CCNDBP1: variants seen among roughly 807,000 people sequenced by gnomAD.
The protein encoded by CCNDBP1 is cyclin-D1-binding protein 1.
A neutral mutation model predicts 46.2 loss-of-function variants in CCNDBP1; 45 were observed. The observed-to-expected ratio is 0.97, with a 90% CI of 0.77 to 1.25. The LOEUF is 1.25. Among genes scored for constraint, CCNDBP1 ranks in the 50% most tolerant of loss-of-function variants. The pLI, the probability that CCNDBP1 is intolerant of heterozygous loss-of-function variation, is 0.00. For synonymous variants in CCNDBP1, 154 were observed against 163.6 expected (o/e 0.94, Z 0.45); for missense variants, 436 against 442.1 (o/e 0.99, Z 0.12).
chr15:43,186,136 T>C lies in CCNDBP1; in HGVS notation c.170-18T>C, dbSNP rs755718223. ...CACTAACGTATTGGCACCTGCCTCC[T>C]CTTCGGCCACCCCCCAGATGAGGCA... is the stretch of plus-strand genomic sequence containing the variant. On this transcript the variant is annotated intron_variant, in intron 2 of 10. Coordinates refer to ENST00000300213, the MANE Select transcript of CCNDBP1 (RefSeq NM_012142.5). 3 of 1,613,010 alleles carry C rather than the reference T, an allele frequency of 1.9e-6. No individual in the cohort carries two copies. The highest frequency in any genetic ancestry group is 1.7e-6 in the Non-Finnish European group (2 of 1,179,126).
chr15:43,190,212 C>G lies in CCNDBP1; in HGVS notation c.428+61C>G, dbSNP rs2041926627. On this transcript the variant is annotated intron_variant, in intron 5 of 10. Transcript: ENST00000300213. ...GGTTCCTTGCCTCAGAGGGGAAAAG[C>G]TCATTTTAACAGCAAAGTTACTGAC... is the stretch of plus-strand genomic sequence containing the variant. 3.1e-6 allele frequency: 5 copies of G among 1,591,698 alleles called. No individual in the cohort carries two copies. In the East Asian group the frequency reaches 1.1e-4, roughly 36 times the overall value.
At chr15:43,191,703 T>C (rs1482573012) in intron 8 of CCNDBP1, 28 bp downstream of exon 8, 5 of 1,585,988 alleles carry the variant, frequency 3.2e-6, no homozygotes, top group African/African-American at 1.3e-5. Context: ...TTGAAACATC[T>C]GAGCAGCAGC....
rs887658919 is a variant in CCNDBP1 at position 43,196,951 on chromosome 15, A to G, written c.*2110A>G. ...GCTTCGTTCCATTGGTGGGGTAATG[A>G]GTAAGTTCTCGCTCTATATGTCCCT... On this transcript the variant is annotated 3_prime_UTR_variant, in exon 11 of 11. Coordinates refer to ENST00000300213, the MANE Select transcript of CCNDBP1 (RefSeq NM_012142.5). 1.2e-5 allele frequency: 4 copies of G among 343,240 alleles called. No individual in the cohort carries two copies. The highest frequency in any genetic ancestry group is 8.5e-5 in the African/African-American group (4 of 46,862). The allele number at this position is 343,240 out of a possible 1,614,324, so 21.3% of individuals were successfully genotyped here.
In CCNDBP1 at chr15:43,195,001, T is replaced by C; in HGVS notation, c.*160T>C. The C allele has an allele frequency of 1.8e-6, 1 of 543,074 alleles. No homozygotes were observed. The highest frequency in any genetic ancestry group is 3.3e-6 in the Non-Finnish European group (1 of 305,304). The allele number at this position is 543,074 out of a possible 1,614,324, so 33.6% of individuals were successfully genotyped here. On this transcript the variant is annotated 3_prime_UTR_variant, in exon 11 of 11. Coordinates refer to ENST00000300213, the MANE Select transcript of CCNDBP1 (RefSeq NM_012142.5). ...ACCAAAGATTGTTGGTTAGGCCAGATTGACACCTATTTATAAACCATATGC... is the reference window on the plus strand; with the variant it reads ...ACCAAAGATTGTTGGTTAGGCCAGACTGACACCTATTTATAAACCATATGC...
At position 43,190,077 on chromosome 15, in the gene CCNDBP1, A is replaced by C; in HGVS notation, c.354A>C (p.Val118=). ...KDQGITLRKL[V]RGATLDIVDG... ...CAGGGATCACCCTGAGAAAGCTGGT[A>C]CGGGGCGCCACCCTGGACATCGTGG... Residue 118 remains valine, a synonymous_variant, in exon 5 of 11, where the codon GTA becomes GTC. Coordinates refer to ENST00000300213, the MANE Select transcript of CCNDBP1 (RefSeq NM_012142.5). 6.2e-7 allele frequency: 1 copy of C among 1,614,126 alleles called. No homozygotes were observed. The highest frequency in any genetic ancestry group is 1.3e-5 in the African/African-American group (1 of 75,056).
At chr15:43,191,881 T>C (rs756982448) in intron 8 of CCNDBP1, among the ~76,000 whole-genome samples, 3 of 152,234 alleles carry the variant, frequency 2.0e-5, no homozygotes, top group South Asian at 2.1e-4. Flanking sequence ...GGTTTATTTC[T>C]CAAGAGATAC....
intron 1 of CCNDBP1, 59 bp downstream of exon 1, chr15:43,185,666 C>CCGGGCT: frequency 7.4e-7 from 1 of 1,349,572 alleles, no homozygotes; most frequent in Non-Finnish European, 9.9e-7. Context: ...CGGGGAGAGG[C>CCGGGCT]CGGGCTCGGG....
chr15:43,189,863 A>G, intron 4 of CCNDBP1, 192 bp from the exon 5 acceptor site: 1 of 554,270 alleles, frequency 1.8e-6, no homozygotes, highest in Non-Finnish European at 3.2e-6. Context: ...TTTTGAAGAA[A>G]ACACTAAGGA....
Position 43,189,101 on chromosome 15 carries a change from A to AAAAAAAAAAAAAG in CCNDBP1, c.250-95_250-94insAAAAAAAAAGAAA, listed in dbSNP as rs756151109. The AAAAAAAAAAAAAG allele has an allele frequency of 6.0e-3, 996 of 165,878 alleles. 76 individuals are homozygous for AAAAAAAAAAAAAG. The highest frequency in any genetic ancestry group is 7.8e-3 in the Non-Finnish European group (699 of 89,540). 10.3% of individuals were successfully genotyped at this position (165,878 alleles called of 1,614,324 possible). Reference sequence around the variant, plus strand: ...TCAAAAAAAAAAAAAAAAAAAAAAAAAAAGAAAAAGAAAGAAAAGAAAAAG... The same window carrying AAAAAAAAAAAAAG: ...TCAAAAAAAAAAAAAAAAAAAAAAAAAAAAAAAAAAAAGAAAGAAAAAGAAAGAAAAGAAAAAG... On this transcript the variant is annotated intron_variant, in intron 3 of 10. Transcript: ENST00000300213.
At position 43,194,428 on chromosome 15, in the gene CCNDBP1, T is replaced by C; in HGVS notation, c.935T>C (p.Val312Ala). ...TTTCTTTTCTAGTCTGCGAAACTTG[T>C]ATCTGTTTTAAAGAAGGCACTTGAA... ...LTVRINSAKLVSVLKKALEIT... is the reference protein window; with the variant it reads ...LTVRINSAKLASVLKKALEIT... The change falls in exon 10 of 11, where the codon GTA (valine) becomes GCA (alanine). Residue 312 changes from valine (V) to alanine (A), a missense_variant. Coordinates refer to ENST00000300213, the MANE Select transcript of CCNDBP1 (RefSeq NM_012142.5). 1 of 1,606,680 alleles carries C rather than the reference T, an allele frequency of 6.2e-7. No homozygotes were observed. The highest frequency in any genetic ancestry group is 8.5e-7 in the Non-Finnish European group (1 of 1,178,060).
intron 2 of CCNDBP1, 64 bp downstream of exon 2, chr15:43,185,943 T>A: frequency 2.0e-6 from 3 of 1,493,466 alleles, no homozygotes; most frequent in Non-Finnish European, 2.8e-6. Flanking sequence ...CCCCTTTTCC[T>A]CCCGCTGTCC....
At chr15:43,190,818 T>C (rs1567263684) in intron 6 of CCNDBP1, 148 bp from the exon 7 acceptor site, 2 of 627,152 alleles carry the variant, frequency 3.2e-6, no homozygotes, top group African/African-American at 1.8e-5. Context: ...TACCAGGGGA[T>C]GTAGTGAGAA....
intron 1 of CCNDBP1, 29 bp from the exon 2 acceptor site, chr15:43,185,791 G>C: frequency 6.2e-7 from 1 of 1,606,656 alleles, no homozygotes; most frequent in Non-Finnish European, 8.5e-7. Context: ...ATTCGCCACC[G>C]TTCGGCCCCC....
Position 43,189,239 on chromosome 15 carries a change from A to G in CCNDBP1, c.290A>G (p.Lys97Arg). The G allele has an allele frequency of 6.2e-7, 1 of 1,612,422 alleles. No homozygotes were observed. Among genetic ancestry groups the G allele is most frequent in the East Asian group, 2.2e-5 (1 of 44,860 alleles). The change falls in exon 4 of 11, where the codon AAG becomes AGG. Residue 97 changes from lysine (K) to arginine (R), a missense_variant. Transcript: ENST00000300213. ...TGTGAACAAGTCCATGCTGCCATCA[A>G]GGCATTTATTGCAGTGTACTATTTG... The part of the protein sequence containing the change: ...KFCEQVHAAI[K>R]AFIAVYYLLP...
chr15:43,185,802 A>C lies in CCNDBP1; in HGVS notation c.110-18A>C. On this transcript the variant is annotated intron_variant, in intron 1 of 10. Transcript: ENST00000300213. Reference sequence around the variant, plus strand: ...TTCCATTCGCCACCGTTCGGCCCCCACACGCCACACCCACAAGTCGGCGAA... The same window carrying C: ...TTCCATTCGCCACCGTTCGGCCCCCCCACGCCACACCCACAAGTCGGCGAA... 2 of 1,609,082 alleles carry C rather than the reference A, an allele frequency of 1.2e-6. No individual in the cohort carries two copies. Among genetic ancestry groups the C allele is most frequent in the Non-Finnish European group, 1.7e-6 (2 of 1,179,688 alleles).
chr15:43,187,271 A>T (rs1185245741), intron 3 of CCNDBP1, among the ~76,000 whole-genome samples: 2 of 141,652 alleles, frequency 1.4e-5, no homozygotes, highest in Non-Finnish European at 3.1e-5. Context: ...TACCTTTGAG[A>T]TTTTTTTTTT....
chr15:43,191,361 TTTTTGCA>T, intron 7 of CCNDBP1, 27 bp from the exon 8 acceptor site: 1 of 1,371,468 alleles, frequency 7.3e-7, no homozygotes. Flanking sequence ...TTTTTTTTTT[TTTTTGCA>T]TTCACATACA....
Position 43,189,208 on chromosome 15 carries a change from A to G in CCNDBP1, c.259A>G (p.Lys87Glu). ...LPLPSPQETQ[K>E]FCEQVHAAIK... The stretch of plus-strand genomic sequence containing the variant: ...GTTTCCTTTTTCATAGGAAACCCAG[A>G]AGTTCTGTGAACAAGTCCATGCTGC... The change falls in exon 4 of 11, where the codon AAG becomes GAG. Residue 87 changes from lysine to glutamate, a missense_variant. Transcript: ENST00000300213. The G allele has an allele frequency of 6.2e-7, 1 of 1,610,052 alleles. No individual in the cohort carries two copies.
chr15:43,186,257 C>T (rs1314375092), intron 3 of CCNDBP1, 24 bp downstream of exon 3: 9 of 1,587,394 alleles, frequency 5.7e-6, no homozygotes, highest in Non-Finnish European at 7.8e-6. Flanking sequence ...TCGTGGAATC[C>T]TTGGGCTGCC....
Sources: allele counts gnomAD v4.1 joint callset (sites outside exome capture counted in the v4.1 genomes callset), GRCh38; gene constraint gnomAD v4.1.1; transcripts MANE v1.5; gene names NCBI Gene and HGNC (gene_info 2026-07-23, HGNC 2026-07-21).